Variants in MRPL3 observed in about 807,000 individuals in gnomAD.
MRPL3 encodes large ribosomal subunit protein uL3m.
A neutral mutation model predicts 44.3 loss-of-function variants in MRPL3; 43 were observed. The observed-to-expected ratio is 0.97, with a 90% CI of 0.76 to 1.25. The LOEUF is 1.25. Ranked by LOEUF, MRPL3 falls within the 50% of genes most tolerant of loss-of-function variation. The pLI is 0.00. For missense variants in MRPL3, 406 were observed against 427.6 expected (o/e 0.95, Z 0.45); for synonymous variants, 171 against 152.3 (o/e 1.12, Z -0.91).
Position 131,484,417 on chromosome 3 carries a change from A to G in MRPL3, c.629+3263T>C, listed in dbSNP as rs899087746. Among the ~76,000 whole-genome samples the G allele has an allele frequency of 2.6e-5, 4 of 152,154 alleles. No homozygotes were observed. In the South Asian group the frequency reaches 8.3e-4, roughly 32 times the overall value. ...TAAAGCCTACTCAAGCATGAGACCC[A>G]CTGCTCCAGCCTATAAATCCATGTC... On this transcript the variant is annotated intron_variant, in intron 6 of 9. Coordinates refer to ENST00000264995, the MANE Select transcript of MRPL3 (RefSeq NM_007208.4).
intron 5 of MRPL3, 123 bp from the exon 6 acceptor site, chr3:131,487,863 T>G: frequency 1.5e-6 from 1 of 685,316 alleles, no homozygotes. Context: ...GATTCTCTTC[T>G]GCAATTAGAA....
intron 6 of MRPL3, among the ~76,000 whole-genome samples, chr3:131,486,858 G>T (rs1011653111): frequency 6.6e-6 from 1 of 152,178 alleles, no homozygotes; most frequent in African/African-American, 2.4e-5. Flanking sequence ...GTTGGTGGGA[G>T]TGTAAATTAG....
intron 4 of MRPL3, among the ~76,000 whole-genome samples, chr3:131,491,256 G>T (rs139023610): frequency 6.4e-4 from 97 of 152,136 alleles, no homozygotes; most frequent in African/African-American, 2.3e-3. Context: ...ATTCACCAAG[G>T]ATCTCCATAC....
At chr3:131,481,687 T>C (rs1201902305) in intron 6 of MRPL3, among the ~76,000 whole-genome samples, 3 of 152,172 alleles carry the variant, frequency 2.0e-5, no homozygotes, top group Non-Finnish European at 4.4e-5. Context: ...CAACTAAATA[T>C]AACCCCAACA....
chr3:131,464,435 T>A (rs552402149), intron 9 of MRPL3, among the ~76,000 whole-genome samples: 2 of 152,132 alleles, frequency 1.3e-5, no homozygotes, highest in African/African-American at 4.8e-5. Context: ...GCAGCCCATA[T>A]GTATTTTTGT....
intron 9 of MRPL3, among the ~76,000 whole-genome samples, chr3:131,467,668 G>T (rs1245381777): frequency 6.6e-6 from 1 of 151,996 alleles, no homozygotes; most frequent in East Asian, 1.9e-4. Flanking sequence ...TGCCATGATT[G>T]TAAGTTTCCT....
chr3:131,487,580 C>T (rs1029700720), intron 6 of MRPL3, 100 bp downstream of exon 6: 3 of 909,572 alleles, frequency 3.3e-6, no homozygotes, highest in South Asian at 1.5e-5. Flanking sequence ...TATATTTATC[C>T]TTTATTCACT....
At chr3:131,496,402 A>G (rs1934371593) in intron 4 of MRPL3, among the ~76,000 whole-genome samples, 1 of 152,260 alleles carries the variant, frequency 6.6e-6, no homozygotes, top group East Asian at 1.9e-4. Flanking sequence ...AGAAAAATAA[A>G]TGGAGTATGC....
At position 131,462,743 on chromosome 3, in the gene MRPL3, G is replaced by A. The variant is rs1252772758; in HGVS notation, c.1027C>T (p.Pro343Ser). 3 of 1,610,872 alleles carry A rather than the reference G, an allele frequency of 1.9e-6. No individual in the cohort carries two copies. The highest frequency in any genetic ancestry group is 2.5e-6 in the Non-Finnish European group (3 of 1,178,116). ...AGATGTTAGGCAAATGTAATAGAAG[G>A]CGCACCGGGCTGACACACGTTTTCA... is the stretch of plus-strand genomic sequence containing the variant. ...YDENVCQPGA[P>S]SITFA Residue 343 changes from proline to serine, a missense_variant, in exon 10 of 10, where the codon CCT becomes TCT. Pro to Ser is a moderately conservative substitution (Grantham distance 74). Transcript: ENST00000264995.
At chr3:131,477,035 TA>T (rs1933867933) in intron 6 of MRPL3, among the ~76,000 whole-genome samples, 2 of 152,368 alleles carry the variant, frequency 1.3e-5, no homozygotes, top group African/African-American at 2.4e-5. Flanking sequence ...CTGAATTCTA[TA>T]AATCTCTAGA....
Position 131,502,898 on chromosome 3 carries a change from G to A in MRPL3, c.-77C>T, listed in dbSNP as rs556406551. On this transcript the variant is annotated 5_prime_UTR_variant, in exon 1 of 10. Transcript: ENST00000264995. ...GCTTTCAGGGAGTCCCCACGCCACC[G>A]CCACGTGGACGCAGTAGCCGTGGGG... 124 of 1,345,518 alleles carry A rather than the reference G, an allele frequency of 9.2e-5. No individual in the cohort carries two copies. The African/African-American group carries it at 1.6e-3, about 17-fold the overall frequency. 83.3% of individuals were successfully genotyped at this position (1,345,518 alleles called of 1,614,324 possible). A position where few individuals can be genotyped will look rare whatever the true frequency, so the allele number is the denominator to read the frequency against.
At position 131,502,768 on chromosome 3, in the gene MRPL3, G is replaced by T. The variant is rs1206318243; in HGVS notation, c.54C>A (p.Leu18=). 3.1e-6 allele frequency: 5 copies of T among 1,612,360 alleles called. No homozygotes were observed. The South Asian group carries it at 5.5e-5, about 18-fold the overall frequency. ...TQVGAQVLGR[L]GDGLGAALGP... is the part of the protein sequence containing the mutation. ...CCAGGGCAGCACCCAGGCCGTCCCC[G>T]AGTCGACCCAGCACCTGGGCGCCGA... Residue 18 remains leucine (L), a synonymous_variant, in exon 1 of 10, where the codon CTC becomes CTA. Coordinates refer to ENST00000264995, the MANE Select transcript of MRPL3 (RefSeq NM_007208.4).
intron 6 of MRPL3, chr3:131,479,242 A>C (rs201282729): frequency 1.2e-5 from 6 of 510,012 alleles, no homozygotes; most frequent in Non-Finnish European, 2.3e-5. Context: ...CCTCCAAATT[A>C]AGTTTTCACT....
intron 6 of MRPL3, among the ~76,000 whole-genome samples, chr3:131,475,695 C>T (rs1231331893): frequency 6.6e-6 from 1 of 152,136 alleles, no homozygotes. Flanking sequence ...AAACATAACA[C>T]ATATTAAATA....
At chr3:131,480,197 CCTA>C (rs753715544) in intron 6 of MRPL3, among the ~76,000 whole-genome samples, 16 of 152,316 alleles carry the variant, frequency 1.1e-4, no homozygotes, top group Non-Finnish European at 1.9e-4. Flanking sequence ...TCAGATGTTT[CCTA>C]CTTACTTGCA....
At chr3:131,470,701 C>T (rs2110696266) in intron 7 of MRPL3, among the ~76,000 whole-genome samples, 1 of 152,114 alleles carries the variant, frequency 6.6e-6, no homozygotes, top group South Asian at 2.1e-4. Flanking sequence ...CCCCACCAAA[C>T]AGTATATGCA....
chr3:131,482,767 A>C (rs1229661651), intron 6 of MRPL3, among the ~76,000 whole-genome samples: 2 of 150,604 alleles, frequency 1.3e-5, no homozygotes, highest in East Asian at 3.8e-4. Context: ...TAAATAAATA[A>C]ATTACAGATA....
intron 4 of MRPL3, among the ~76,000 whole-genome samples, chr3:131,496,880 T>G (rs982588187): frequency 6.6e-6 from 1 of 152,242 alleles, no homozygotes; most frequent in Non-Finnish European, 1.5e-5. Flanking sequence ...ACTACCTTGA[T>G]AGCTGCAGCT....
At chr3:131,482,807 C>G (rs1375191739) in intron 6 of MRPL3, among the ~76,000 whole-genome samples, 2 of 152,016 alleles carry the variant, frequency 1.3e-5, no homozygotes, top group Non-Finnish European at 2.9e-5. Flanking sequence ...CAGGTATGCA[C>G]TGTCATGAAT....
Sources: gnomAD v4.1 joint callset for allele counts (sites outside exome capture counted in the v4.1 genomes callset) on GRCh38, gnomAD v4.1.1 for gene constraint, MANE v1.5 for transcripts, NCBI Gene and HGNC (gene_info 2026-07-23, HGNC 2026-07-21) for gene names.